Variants in SIN3A observed in about 807,000 individuals in gnomAD.
SIN3A encodes paired amphipathic helix protein Sin3a.
Under a neutral mutation model 146.1 loss-of-function variants are expected in SIN3A, and 14 were observed. That is an observed-to-expected ratio of 0.10 (90% confidence interval 0.06 to 0.15). The LOEUF (loss-of-function observed/expected upper bound fraction) is 0.15, where lower values mean the gene tolerates loss of function less well. SIN3A is among the 10% of genes least tolerant of loss of function. SIN3A has a pLI of 1.00. For missense variants in SIN3A, 1,028 were observed against 1,576.0 expected (o/e 0.65, Z 5.89); for synonymous variants, 572 against 572.0 (o/e 1.00, Z 0.00).
Position 75,413,062 on chromosome 15 carries a change from A to G in SIN3A, c.474-17T>C. ...GTGTCGATGCTGATAAAAAACAAAA[A>G]GAAAAGTGATAAACTGTAAGCTTAA... On this transcript the variant is annotated splice_polypyrimidine_tract_variant and intron_variant, in intron 4 of 20. Coordinates refer to ENST00000394947, the MANE Select transcript of SIN3A (RefSeq NM_001145358.2). The G allele has an allele frequency of 6.3e-7, 1 of 1,585,924 alleles. No homozygotes were observed. The highest frequency in any genetic ancestry group is 8.5e-7 in the Non-Finnish European group (1 of 1,171,846).
rs1445085425 is a variant in SIN3A at position 75,428,221 on chromosome 15, T to C, written c.189+1966A>G. ...TTCATAGGTACTTGACAAACTCTTGTATGTCCTCAAACCTGCTGACTGGTT... is the reference window on the plus strand; with the variant it reads ...TTCATAGGTACTTGACAAACTCTTGCATGTCCTCAAACCTGCTGACTGGTT... On this transcript the variant is annotated intron_variant, in intron 2 of 20. Coordinates refer to ENST00000394947, the MANE Select transcript of SIN3A (RefSeq NM_001145358.2). Among the ~76,000 whole-genome samples, 3 of 152,198 alleles carry C rather than the reference T, an allele frequency of 2.0e-5. No homozygotes were observed. The East Asian group carries it at 5.8e-4, about 29-fold the overall frequency.
intron 2 of SIN3A, among the ~76,000 whole-genome samples, chr15:75,425,083 G>GAT (rs2073902838): frequency 6.6e-6 from 1 of 152,178 alleles, no homozygotes; most frequent in African/African-American, 2.4e-5. Flanking sequence ...AAAGCAGTAT[G>GAT]ATAAAAAGAT....
At position 75,381,623 on chromosome 15, in the gene SIN3A, A is replaced by G. The variant is rs1323552683; in HGVS notation, c.3278T>C (p.Val1093Ala). The G allele has an allele frequency of 1.9e-6, 3 of 1,613,586 alleles. No individual in the cohort carries two copies. Among genetic ancestry groups the G allele is most frequent in the Non-Finnish European group, 2.5e-6 (3 of 1,179,638 alleles). ...TGTACTTGCTCATACCTCTGCTTCC[A>G]CAGGGTCATCCGAATTCTCCTCTTC... Reference protein sequence around the residue: ...DTEEENSDDPVEAERWSDYVE... With the variant: ...DTEEENSDDPAEAERWSDYVE... Residue 1093 changes from valine to alanine, a missense_variant, in exon 18 of 21, where the codon GTG (valine) becomes GCG (alanine). Coordinates refer to ENST00000394947, the MANE Select transcript of SIN3A (RefSeq NM_001145358.2).
intron 9 of SIN3A, among the ~76,000 whole-genome samples, chr15:75,404,630 G>A (rs2073473354): frequency 6.6e-6 from 1 of 151,686 alleles, no homozygotes; most frequent in African/African-American, 2.4e-5. Flanking sequence ...TGTGGTGGTG[G>A]GCGCCTGTAA....
At chr15:75,449,008 T>G (rs2074355529) in intron 1 of SIN3A, among the ~76,000 whole-genome samples, 1 of 152,230 alleles carries the variant, frequency 6.6e-6, no homozygotes, top group African/African-American at 2.4e-5. Context: ...TTATGAAGCA[T>G]TTATGAAAAT....
intron 4 of SIN3A, among the ~76,000 whole-genome samples, chr15:75,413,279 C>G (rs1373625959): frequency 1.3e-5 from 2 of 151,988 alleles, no homozygotes; most frequent in Non-Finnish European, 2.9e-5. Context: ...CGCCACCATA[C>G]CCGGCTAATT....
chr15:75,428,294 G>A (rs1334376355), intron 2 of SIN3A, among the ~76,000 whole-genome samples: 2 of 152,232 alleles, frequency 1.3e-5, no homozygotes, highest in Non-Finnish European at 2.9e-5. Flanking sequence ...AACGATGGTA[G>A]ACCCTTGAAT....
At chr15:75,405,500 A>T (rs979648091) in intron 9 of SIN3A, among the ~76,000 whole-genome samples, 9 of 151,998 alleles carry the variant, frequency 5.9e-5, no homozygotes, top group African/African-American at 2.2e-4. Flanking sequence ...CACACCTGTA[A>T]TCCCAGCATT....
chr15:75,434,735 C>T (rs1217748067), intron 1 of SIN3A, among the ~76,000 whole-genome samples: 2 of 151,330 alleles, frequency 1.3e-5, no homozygotes, highest in East Asian at 1.9e-4. Flanking sequence ...GATCACCTGA[C>T]GTCGGGAGTT....
chr15:75,415,612 G>C, intron 3 of SIN3A: 1 of 167,000 alleles, frequency 6.0e-6, no homozygotes, highest in Non-Finnish European at 1.3e-5. Context: ...AGCACTTTCA[G>C]AGGCAGAGGT....
intron 3 of SIN3A, chr15:75,421,559 A>T (rs2073840426): frequency 6.6e-6 from 1 of 152,246 alleles, no homozygotes; most frequent in Non-Finnish European, 1.5e-5. Context: ...GAGGGCAGGG[A>T]TCAAGAAGAA....
At chr15:75,400,692 G>A (rs2073394813) in intron 11 of SIN3A, 38 bp downstream of exon 11, 1 of 1,520,240 alleles carries the variant, frequency 6.6e-7, no homozygotes. Context: ...GGAAAAAGCT[G>A]AGGACCCAGG....
intron 3 of SIN3A, among the ~76,000 whole-genome samples, chr15:75,417,890 C>A (rs1193821022): frequency 1.3e-5 from 2 of 152,144 alleles, no homozygotes; most frequent in Admixed American, 6.5e-5. Flanking sequence ...CTGGAGTGAA[C>A]CAGTGTTAGT....
intron 13 of SIN3A, among the ~76,000 whole-genome samples, chr15:75,395,261 T>C (rs2073280985): frequency 6.6e-6 from 1 of 152,214 alleles, no homozygotes; most frequent in Non-Finnish European, 1.5e-5. Context: ...GTTATGTTCC[T>C]CTGGATACAG....
At chr15:75,419,470 T>C (rs930057367) in intron 3 of SIN3A, 2 of 152,156 alleles carry the variant, frequency 1.3e-5, no homozygotes, top group African/African-American at 4.8e-5. Context: ...GATATGTATA[T>C]GTCTGAAACA....
At chr15:75,407,993 A>G (rs907143072) in intron 8 of SIN3A, among the ~76,000 whole-genome samples, 1 of 151,938 alleles carries the variant, frequency 6.6e-6, no homozygotes, top group Non-Finnish European at 1.5e-5. Flanking sequence ...GCCATGATAT[A>G]ATCCTGTCAG....
chr15:75,427,972 AAAATAAATAAAT>A (rs544412385), intron 2 of SIN3A, among the ~76,000 whole-genome samples: 3 of 151,816 alleles, frequency 2.0e-5, no homozygotes, highest in African/African-American at 4.8e-5. Context: ...ACTCCATCTC[AAAATAAATAAAT>A]AAATAAATAA....
chr15:75,450,830 CT>C (rs2074390691), intron 1 of SIN3A, among the ~76,000 whole-genome samples: 2 of 152,208 alleles, frequency 1.3e-5, no homozygotes, highest in African/African-American at 4.8e-5. Flanking sequence ...CGGGCTTTCC[CT>C]AGCACCTCCT....
intron 1 of SIN3A, among the ~76,000 whole-genome samples, chr15:75,442,120 CAAAAAAAAAAAAA>C (rs57418865): frequency 2.9e-3 from 84 of 29,272 alleles, no homozygotes; most frequent in African/African-American, 0.011. Context: ...GACTCTGTCT[CAAAAAAAAAAAAA>C]AAAAAAAAAA....
Sources: gnomAD v4.1 joint callset for allele counts (sites outside exome capture counted in the v4.1 genomes callset) on GRCh38, gnomAD v4.1.1 for gene constraint, MANE v1.5 for transcripts, NCBI Gene and HGNC (gene_info 2026-07-23, HGNC 2026-07-21) for gene names.